The following PPP6R3 variants were observed in gnomAD, a reference collection of about 807,000 sequenced individuals.
PPP6R3 encodes serine/threonine-protein phosphatase 6 regulatory subunit 3.
PPP6R3 carries 38 observed loss-of-function variants against 110.7 expected under a neutral mutation model. That is an observed-to-expected ratio of 0.34 (90% CI 0.26 to 0.45). The LOEUF (loss-of-function observed/expected upper bound fraction) is 0.45. Among genes scored for constraint, PPP6R3 ranks in the 20% least tolerant of loss-of-function variants. The pLI, the probability that PPP6R3 is intolerant of heterozygous loss-of-function variation, is 1.00. For synonymous variants in PPP6R3, 369 were observed against 373.5 expected (o/e 0.99, Z 0.14); for missense variants, 870 against 1,062.4 (o/e 0.82, Z 2.52).
intron 1 of PPP6R3, among the ~76,000 whole-genome samples, chr11:68,461,739 T>C (rs2098709476): frequency 6.6e-6 from 1 of 152,216 alleles, no homozygotes; most frequent in Non-Finnish European, 1.5e-5. Flanking sequence ...GGGTCTGTTT[T>C]GCTTTTATGG....
At chr11:68,514,568 A>G (rs2099126677) in intron 1 of PPP6R3, among the ~76,000 whole-genome samples, 1 of 151,610 alleles carries the variant, frequency 6.6e-6, no homozygotes. Flanking sequence ...CATTTTTTTT[A>G]TGTTTCTCAA....
chr11:68,524,685 T>A (rs1307970633), intron 2 of PPP6R3, among the ~76,000 whole-genome samples: 3 of 152,254 alleles, frequency 2.0e-5, no homozygotes, highest in Non-Finnish European at 2.9e-5. Context: ...TTTATATTCA[T>A]TCATGTTAAA....
intron 1 of PPP6R3, among the ~76,000 whole-genome samples, chr11:68,490,556 C>G (rs977977018): frequency 5.9e-5 from 9 of 151,992 alleles, no homozygotes; most frequent in African/African-American, 2.2e-4. Flanking sequence ...CTTCTTTCCT[C>G]TTTTTTCCAG....
chr11:68,588,977 C>T (rs1029488152), intron 16 of PPP6R3, among the ~76,000 whole-genome samples: 1 of 151,848 alleles, frequency 6.6e-6, no homozygotes, highest in Non-Finnish European at 1.5e-5. Context: ...GAGGCCGAGC[C>T]GGGCGGATCA....
intron 1 of PPP6R3, among the ~76,000 whole-genome samples, chr11:68,476,897 G>C (rs554552166): frequency 3.4e-4 from 52 of 151,736 alleles, no homozygotes; most frequent in African/African-American, 1.2e-3. Context: ...GTGGTGGTTT[G>C]TGCCTGTAGT....
At chr11:68,502,536 C>T (rs1016677066) in intron 1 of PPP6R3, among the ~76,000 whole-genome samples, 1 of 152,126 alleles carries the variant, frequency 6.6e-6, no homozygotes, top group Non-Finnish European at 1.5e-5. Context: ...GAAGCTGTGT[C>T]CAAAGGGTAT....
intron 12 of PPP6R3, among the ~76,000 whole-genome samples, chr11:68,572,086 TTTTG>T (rs924014039): frequency 3.2e-4 from 48 of 152,232 alleles, no homozygotes; most frequent in Non-Finnish European, 5.6e-4. Flanking sequence ...GAAATTGGCA[TTTTG>T]TTTGTTTGTT....
chr11:68,461,015 C>T (rs1488287053), intron 1 of PPP6R3, among the ~76,000 whole-genome samples, 188 bp downstream of exon 1: 8 of 151,770 alleles, frequency 5.3e-5, no homozygotes, highest in Admixed American at 3.3e-4. Flanking sequence ...CCTTCCCGGC[C>T]GCTCCCCGTC....
chr11:68,499,476 C>G (rs1209004333), intron 1 of PPP6R3, among the ~76,000 whole-genome samples: 1 of 152,062 alleles, frequency 6.6e-6, no homozygotes, highest in Non-Finnish European at 1.5e-5. Flanking sequence ...AGAGAAAGAG[C>G]CCCTAAGTGG....
chr11:68,470,237 G>A (rs2098780915), intron 1 of PPP6R3, among the ~76,000 whole-genome samples: 1 of 152,214 alleles, frequency 6.6e-6, no homozygotes, highest in Admixed American at 6.5e-5. Flanking sequence ...GAGAGGTGGG[G>A]TGTGGGGGAG....
Position 68,569,743 on chromosome 11 carries a change from T to C in PPP6R3, c.1129-5T>C. ...CGAATAAAACATGGTTTTTCTTTTT[T>C]GTAGAACATGTTCTTCAAGTATACA... On this transcript the variant is annotated splice_polypyrimidine_tract_variant and splice_region_variant and intron_variant, in intron 10 of 23. Transcript: ENST00000393800. The C allele has an allele frequency of 6.4e-7, 1 of 1,568,650 alleles. No individual in the cohort carries two copies. Among genetic ancestry groups the C allele is most frequent in the Non-Finnish European group, 8.7e-7 (1 of 1,150,772 alleles).
At chr11:68,544,141 G>A (rs1274275097) in intron 3 of PPP6R3, among the ~76,000 whole-genome samples, 1 of 152,194 alleles carries the variant, frequency 6.6e-6, no homozygotes, top group Non-Finnish European at 1.5e-5. Flanking sequence ...TCTTGCCCAG[G>A]CTGGAGTGCA....
intron 1 of PPP6R3, among the ~76,000 whole-genome samples, chr11:68,500,981 C>T (rs2099045748): frequency 6.6e-6 from 1 of 152,190 alleles, no homozygotes; most frequent in South Asian, 2.1e-4. Flanking sequence ...GTACGGGAGG[C>T]CAGTGGCAGT....
intron 2 of PPP6R3, among the ~76,000 whole-genome samples, chr11:68,525,512 A>C (rs929970638): frequency 6.6e-6 from 1 of 152,216 alleles, no homozygotes; most frequent in African/African-American, 2.4e-5. Context: ...AAAAGAAAGA[A>C]CTTCCTGAAG....
intron 2 of PPP6R3, among the ~76,000 whole-genome samples, chr11:68,534,291 T>C (rs145658663): frequency 9.2e-5 from 14 of 152,346 alleles, no homozygotes; most frequent in Admixed American, 2.0e-4. Context: ...CACTACACTT[T>C]TCTGCAAAAG....
At chr11:68,566,003 C>A (rs140432922) in intron 9 of PPP6R3, among the ~76,000 whole-genome samples, 1 of 152,118 alleles carries the variant, frequency 6.6e-6, no homozygotes, top group East Asian at 1.9e-4. Context: ...TAGGCTGTTA[C>A]GTGCCACCCT....
At chr11:68,528,003 C>T (rs2099209869) in intron 2 of PPP6R3, among the ~76,000 whole-genome samples, 1 of 152,172 alleles carries the variant, frequency 6.6e-6, no homozygotes, top group Admixed American at 6.5e-5. Context: ...CATTTTTGGC[C>T]AGGTTGTCCT....
At chr11:68,542,411 T>TTTTTTTTTTTTA (rs1244450813) in intron 3 of PPP6R3, among the ~76,000 whole-genome samples, 1 of 141,882 alleles carries the variant, frequency 7.0e-6, no homozygotes, top group African/African-American at 2.7e-5. Flanking sequence ...TTTTTTTTTT[T>TTTTTTTTTTTTA]AAGACAGAGT....
At chr11:68,494,814 C>T (rs2099006277) in intron 1 of PPP6R3, among the ~76,000 whole-genome samples, 1 of 152,138 alleles carries the variant, frequency 6.6e-6, no homozygotes, top group Non-Finnish European at 1.5e-5. Flanking sequence ...TTAACGGCCC[C>T]CCAGCCCCAT....
Sources: allele counts gnomAD v4.1 joint callset (sites outside exome capture counted in the v4.1 genomes callset), GRCh38; gene constraint gnomAD v4.1.1; transcripts MANE v1.5; gene names NCBI Gene and HGNC (gene_info 2026-07-23, HGNC 2026-07-21).